The following PSD2 variants were observed in gnomAD, a reference collection of about 807,000 sequenced individuals.
The protein encoded by PSD2 is PH and SEC7 domain-containing protein 2.
PSD2 carries 38 observed loss-of-function variants against 69.8 expected under a neutral mutation model. The observed-to-expected ratio is 0.54, with a 90% confidence interval of 0.42 to 0.71. The LOEUF (loss-of-function observed/expected upper bound fraction) is 0.71. Among genes scored for constraint, PSD2 ranks in the 30% least tolerant of loss-of-function variants. PSD2 has a pLI of 0.00. For missense variants in PSD2, 943 were observed against 1,014.5 expected, an observed-to-expected ratio of 0.93 and a Z score of 0.96; for synonymous variants, 412 against 423.0, an observed-to-expected ratio of 0.97 and a Z score of 0.32.
At chr5:139,789,254 G>T in the PSD2 span, among the ~76,000 whole-genome samples, 1 of 152,200 alleles carries the variant, frequency 6.6e-6, no homozygotes, top group South Asian at 2.1e-4. Context: ...AGTGTGCAGG[G>T]TCCTTGCGCT....
At position 139,842,812 on chromosome 5, in the gene PSD2, AAG is replaced by A; in HGVS notation, c.*339_*340del. On this transcript the variant is annotated 3_prime_UTR_variant, in exon 15 of 15. Transcript: ENST00000274710. ...CTTCCCAGGTCTTTCTCTTCTCATC[AAG>A]CTCCTCTCCTCATCTTTTTTGTGTG... is the stretch of plus-strand genomic sequence containing the variant. The A allele has an allele frequency of 4.4e-6, 1 of 229,440 alleles. No individual in the cohort carries two copies. Among genetic ancestry groups the A allele is most frequent in the Non-Finnish European group, 8.6e-6 (1 of 116,430 alleles). 14.2% of individuals were successfully genotyped at this position (229,440 alleles called of 1,614,324 possible).
chr5:139,824,108 C>A (rs1165422812), intron 7 of PSD2, among the ~76,000 whole-genome samples: 1 of 152,234 alleles, frequency 6.6e-6, no homozygotes, highest in Non-Finnish European at 1.5e-5. Flanking sequence ...TGACAGACAG[C>A]AGTGTTGCTG....
At chr5:139,753,411 A>G in the PSD2 span, among the ~76,000 whole-genome samples, 7 of 152,166 alleles carry the variant, frequency 4.6e-5, no homozygotes, top group Non-Finnish European at 8.8e-5. Context: ...CCCCATGGCC[A>G]GTGTGGCTGG....
chr5:139,841,033 A>G (rs1760858408), intron 14 of PSD2, among the ~76,000 whole-genome samples: 1 of 152,208 alleles, frequency 6.6e-6, no homozygotes, highest in South Asian at 2.1e-4. Context: ...TACACATTAA[A>G]TAATAACTTC....
At chr5:139,842,217 C>T in intron 14 of PSD2, 54 bp from the exon 15 acceptor site, 1 of 1,471,620 alleles carries the variant, frequency 6.8e-7, no homozygotes, top group South Asian at 1.1e-5. Flanking sequence ...ATAAGGTGCA[C>T]ATACTTTTTT....
the PSD2 span, among the ~76,000 whole-genome samples, chr5:139,760,238 A>G: frequency 7.0e-4 from 106 of 152,320 alleles, no homozygotes; most frequent in Non-Finnish European, 1.4e-3. Flanking sequence ...CTGAGCAAGC[A>G]TTGCCTGAAG....
intron 5 of PSD2, among the ~76,000 whole-genome samples, chr5:139,818,787 C>A (rs1033939582): frequency 6.6e-6 from 1 of 152,116 alleles, no homozygotes; most frequent in Non-Finnish European, 1.5e-5. Context: ...GCTTAGCGTT[C>A]CAATAATGGA....
the PSD2 span, among the ~76,000 whole-genome samples, chr5:139,786,188 C>T: frequency 6.6e-6 from 1 of 152,104 alleles, no homozygotes; most frequent in Non-Finnish European, 1.5e-5. Context: ...AGTTTGAGAT[C>T]GGCCTGAGCA....
chr5:139,754,230 G>A, the PSD2 span, among the ~76,000 whole-genome samples: 7 of 152,304 alleles, frequency 4.6e-5, no homozygotes, highest in East Asian at 1.4e-3. Flanking sequence ...TACTTTGGGA[G>A]GCCAGCCTGG....
chr5:139,755,672 C>T, the PSD2 span, among the ~76,000 whole-genome samples: 1 of 150,384 alleles, frequency 6.6e-6, no homozygotes, highest in South Asian at 2.1e-4. Flanking sequence ...TGTGTGCGCG[C>T]GCATGAGGCT....
intron 3 of PSD2, 148 bp downstream of exon 3, chr5:139,813,906 C>A (rs1760045412): frequency 1.3e-6 from 1 of 761,774 alleles, no homozygotes; most frequent in Non-Finnish European, 2.1e-6. Flanking sequence ...CCAGGCTTCC[C>A]ACCCTGTGTC....
At position 139,805,407 on chromosome 5, in the gene PSD2, T is replaced by C. The variant is rs72794893; in HGVS notation, c.-50-3984T>C. On this transcript the variant is annotated intron_variant, in intron 1 of 14. Transcript: ENST00000274710. ...ATAGGCATGATGATAATCCCTGTTA[T>C]TCATCTAACAAATACTTCTAAAGGC... is the stretch of plus-strand genomic sequence containing the variant. Among the ~76,000 whole-genome samples the C allele has an allele frequency of 1.6e-3, 247 of 152,364 alleles. 1 individual carries two copies. The South Asian group carries it at 0.019, about 12-fold the overall frequency.
At chr5:139,768,895 G>A in the PSD2 span, among the ~76,000 whole-genome samples, 8 of 152,156 alleles carry the variant, frequency 5.3e-5, no homozygotes, top group Non-Finnish European at 1.2e-4. Context: ...AGTAGCTCAT[G>A]CAGAGTCCAG....
intron 5 of PSD2, among the ~76,000 whole-genome samples, chr5:139,820,832 C>G (rs7710637): frequency 0.27 from 41,435 of 151,740 alleles, 6,199 homozygotes; most frequent in African/African-American, 0.4. Context: ...GTGTAGCAGG[C>G]GGGTATGAGG....
the PSD2 span, among the ~76,000 whole-genome samples, chr5:139,774,126 C>T: frequency 6.7e-6 from 1 of 150,226 alleles, no homozygotes; most frequent in Non-Finnish European, 1.5e-5. Flanking sequence ...CACTCGGTCT[C>T]GTTTTTTTTT....
At chr5:139,792,088 G>A (rs570889744), upstream of PSD2, among the ~76,000 whole-genome samples, 5 of 150,844 alleles carry the variant, frequency 3.3e-5, no homozygotes, top group African/African-American at 1.2e-4. Flanking sequence ...GGGGTCCTAG[G>A]ACATCAAATT....
intron 5 of PSD2, 128 bp from the exon 6 acceptor site, chr5:139,821,765 T>G: frequency 1.8e-6 from 1 of 550,226 alleles, no homozygotes; most frequent in Non-Finnish European, 3.3e-6. Context: ...GGAGAGAGCA[T>G]CCAGACCCAG....
intron 4 of PSD2, among the ~76,000 whole-genome samples, chr5:139,815,448 C>G (rs1760096375): frequency 6.6e-6 from 1 of 152,174 alleles, no homozygotes; most frequent in African/African-American, 2.4e-5. Context: ...TTCTCAACCC[C>G]ACTTCCTCCT....
chr5:139,842,458 C>G lies in PSD2; in HGVS notation c.2300C>G (p.Thr767Ser), dbSNP rs1760897199. 1.2e-6 allele frequency: 2 copies of G among 1,613,858 alleles called. No homozygotes were observed. Among genetic ancestry groups the G allele is most frequent in the Non-Finnish European group, 1.7e-6 (2 of 1,179,916 alleles). ...VTGSKTTKDATGPDT is the reference protein window; with the variant it reads ...VTGSKTTKDASGPDT ...GGCAGCAAAACCACAAAGGATGCCA[C>G]TGGGCCTGATACTTAGCTGACATGG... Residue 767 changes from threonine to serine, a missense_variant, in exon 15 of 15, where the codon ACT (threonine) becomes AGT (serine). Thr to Ser is a moderately conservative substitution (Grantham distance 58). This residue lies in a region of PSD2 where 165 missense variants were observed against 168.8 expected (regional missense o/e 0.98). Transcript: ENST00000274710.
Sources: allele counts gnomAD v4.1 joint callset (sites outside exome capture counted in the v4.1 genomes callset), GRCh38; gene constraint gnomAD v4.1.1; regional missense constraint gnomAD v4.1.1; transcripts MANE v1.5; gene names NCBI Gene and HGNC (gene_info 2026-07-23, HGNC 2026-07-21).